CRTAC1: variants seen among roughly 807,000 people sequenced by gnomAD.
The protein encoded by CRTAC1 is acidic secreted protein in cartilage.
In CRTAC1, 37 loss-of-function variants were observed where a neutral mutation model predicts 67.8. The ratio of observed to expected loss-of-function variants is 0.55; its 90% CI spans 0.42 to 0.72. The LOEUF is 0.72. CRTAC1 is among the 30% of genes least tolerant of loss of function. CRTAC1 has a pLI of 0.00. For synonymous variants in CRTAC1, 348 were observed against 371.0 expected (o/e 0.94, Z 0.71); for missense variants, 780 against 931.6 (o/e 0.84, Z 2.12).
At chr10:97,924,914 G>A (rs1564897144) in intron 3 of CRTAC1, among the ~76,000 whole-genome samples, 1 of 152,162 alleles carries the variant, frequency 6.6e-6, no homozygotes, top group East Asian at 1.9e-4. Flanking sequence ...GAATGTGTGT[G>A]TGGATGTGTG....
At chr10:97,910,610 C>T (rs1034075677) in intron 5 of CRTAC1, among the ~76,000 whole-genome samples, 12 of 152,188 alleles carry the variant, frequency 7.9e-5, no homozygotes, top group Non-Finnish European at 1.5e-4. Flanking sequence ...AGGCCAGGCC[C>T]GCCTCTGGAT....
At chr10:97,870,591 G>A (rs1301856241) in intron 14 of CRTAC1, 1 of 152,068 alleles carries the variant, frequency 6.6e-6, no homozygotes, top group African/African-American at 2.4e-5. Context: ...TGTCTGTACT[G>A]GTGATATATT....
At chr10:97,865,767 C>T (rs1175896861) in intron 14 of CRTAC1, 53 bp from the exon 15 acceptor site, 19 of 1,492,390 alleles carry the variant, frequency 1.3e-5, no homozygotes, top group East Asian at 4.8e-5. Context: ...GCGGCGGCTG[C>T]GCTACCAGAG....
At chr10:98,002,587 A>C (rs1192234567) in intron 2 of CRTAC1, among the ~76,000 whole-genome samples, 1 of 151,580 alleles carries the variant, frequency 6.6e-6, no homozygotes, top group African/African-American at 2.4e-5. Context: ...ACCTCACCCA[A>C]TTTGGGTGTG....
chr10:98,015,113 C>G (rs1842971431), intron 1 of CRTAC1, among the ~76,000 whole-genome samples: 1 of 151,744 alleles, frequency 6.6e-6, no homozygotes, highest in Non-Finnish European at 1.5e-5. Context: ...TATTATTCAG[C>G]TTTAAAAATG....
In CRTAC1 at chr10:97,971,052, A is replaced by T. The variant is rs549770054; in HGVS notation, c.225-34686T>A. Among the ~76,000 whole-genome samples, 3 of 152,384 alleles carry T rather than the reference A, an allele frequency of 2.0e-5. No individual in the cohort carries two copies. The East Asian group carries it at 5.8e-4, about 29-fold the overall frequency. ...TAAAACAATGACATGCTACATCGCT[A>T]GTATCAAAGTAACAAAGATAAACCA... On this transcript the variant is annotated intron_variant, in intron 2 of 14. Coordinates refer to ENST00000370597, the MANE Select transcript of CRTAC1 (RefSeq NM_018058.7).
intron 5 of CRTAC1, among the ~76,000 whole-genome samples, chr10:97,915,928 A>C (rs1263314996): frequency 6.6e-6 from 1 of 151,998 alleles, no homozygotes; most frequent in Non-Finnish European, 1.5e-5. Context: ...CTTCCAGCCC[A>C]GCCGGCACAG....
intron 2 of CRTAC1, among the ~76,000 whole-genome samples, chr10:97,994,871 G>A (rs1049504597): frequency 1.3e-5 from 2 of 152,200 alleles, no homozygotes; most frequent in Admixed American, 6.5e-5. Context: ...GGCCCAAGGA[G>A]CAGATCCGGC....
Position 98,030,209 on chromosome 10 carries a change from C to T in CRTAC1, c.24+240G>A, listed in dbSNP as rs547377790. Among the ~76,000 whole-genome samples, 2 of 151,680 alleles carry T rather than the reference C, an allele frequency of 1.3e-5. No homozygotes were observed. The highest frequency in any genetic ancestry group is 2.1e-4 in the South Asian group (1 of 4,802). The stretch of plus-strand genomic sequence containing the variant: ...GTCGCCCCCACACATCAGCTCCCAC[C>T]TCTCCGCCACCTCCAACCCGGCCGC... On this transcript the variant is annotated intron_variant, in intron 1 of 14. Coordinates refer to ENST00000370597, the MANE Select transcript of CRTAC1 (RefSeq NM_018058.7). This position sits in a 1 kb window ranked among gnomAD's most constrained non-coding sequence, Gnocchi z 4.2.
chr10:97,896,336 G>T (rs1301436868), intron 9 of CRTAC1, among the ~76,000 whole-genome samples: 1 of 152,050 alleles, frequency 6.6e-6, no homozygotes, highest in African/African-American at 2.4e-5. Flanking sequence ...CCAAGTGTTT[G>T]CATATACATA....
At position 97,904,607 on chromosome 10, in the gene CRTAC1, G is replaced by A. The variant is rs527432797; in HGVS notation, c.996+62C>T. The A allele has an allele frequency of 4.8e-6, 7 of 1,453,714 alleles. No individual in the cohort carries two copies. The South Asian group carries it at 1.1e-4, about 23-fold the overall frequency. 90.1% of individuals were successfully genotyped at this position (1,453,714 alleles called of 1,614,324 possible). ...GCCAATTTTTGGTATTTTTAGTAGA[G>A]ACAGGGTTTTGCCATGTTGGACAGG... On this transcript the variant is annotated intron_variant, in intron 7 of 14. Coordinates refer to ENST00000370597, the MANE Select transcript of CRTAC1 (RefSeq NM_018058.7).
chr10:97,892,770 G>A (rs1306105207), intron 11 of CRTAC1, among the ~76,000 whole-genome samples: 2 of 152,224 alleles, frequency 1.3e-5, no homozygotes, highest in African/African-American at 4.8e-5. Context: ...GTGCCTTTAG[G>A]GCCAGCTTAG....
intron 2 of CRTAC1, among the ~76,000 whole-genome samples, chr10:98,001,032 A>C (rs1173789149): frequency 6.6e-6 from 1 of 152,224 alleles, no homozygotes; most frequent in Non-Finnish European, 1.5e-5. Flanking sequence ...AGAAAGCTGG[A>C]ATAGATATCA....
At chr10:97,964,913 C>A (rs2051590513) in intron 2 of CRTAC1, among the ~76,000 whole-genome samples, 1 of 148,316 alleles carries the variant, frequency 6.7e-6, no homozygotes, top group South Asian at 2.1e-4. Flanking sequence ...TCATTCTACT[C>A]ATTTCATTCT....
Position 97,934,486 on chromosome 10 carries a change from G to C in CRTAC1, c.421+1684C>G, listed in dbSNP as rs555014. On this transcript the variant is annotated intron_variant, in intron 3 of 14. Coordinates refer to ENST00000370597, the MANE Select transcript of CRTAC1 (RefSeq NM_018058.7). ...GACAGCACTGCCTGCCCCTGCCCCT[G>C]GCATAAGCCCCAACCTCTTCCCCTC... Among the ~76,000 whole-genome samples, 249 of 152,184 alleles carry C rather than the reference G, an allele frequency of 1.6e-3. 1 individual carries two copies. Among genetic ancestry groups the C allele is most frequent in the Non-Finnish European group, 2.0e-3 (135 of 67,960 alleles).
chr10:97,977,939 G>T (rs1362278810), intron 2 of CRTAC1, among the ~76,000 whole-genome samples: 1 of 152,212 alleles, frequency 6.6e-6, no homozygotes, highest in Non-Finnish European at 1.5e-5. Context: ...TCCTGATGGG[G>T]AGGGGAGGCC....
chr10:97,936,165 C>A lies in CRTAC1; in HGVS notation c.421+5G>T. On this transcript the variant is annotated splice_donor_5th_base_variant and intron_variant, in intron 3 of 14. Transcript: ENST00000370597. Reference sequence around the variant, plus strand: ...GCAGGAAGAGGCCTGAGCCCCAGCCCTTACCCGAGAAGGCATTATTGGTGT... The same window carrying A: ...GCAGGAAGAGGCCTGAGCCCCAGCCATTACCCGAGAAGGCATTATTGGTGT... The A allele has an allele frequency of 6.3e-7, 1 of 1,597,160 alleles. No homozygotes were observed. The highest frequency in any genetic ancestry group is 8.6e-7 in the Non-Finnish European group (1 of 1,168,004).
intron 2 of CRTAC1, among the ~76,000 whole-genome samples, chr10:97,995,697 T>C (rs780492450): frequency 3.3e-5 from 5 of 152,090 alleles, no homozygotes; most frequent in African/African-American, 4.8e-5. Flanking sequence ...GGTAAATACA[T>C]GGAAATGAGG....
intron 1 of CRTAC1, among the ~76,000 whole-genome samples, chr10:98,017,069 G>A (rs1002997654): frequency 6.6e-6 from 1 of 152,162 alleles, no homozygotes; most frequent in Non-Finnish European, 1.5e-5. Flanking sequence ...GAAAAAGTAG[G>A]TTGAACTGAA....
Sources: gnomAD v4.1 joint callset for allele counts (sites outside exome capture counted in the v4.1 genomes callset) on GRCh38, gnomAD v4.1.1 for gene constraint, Gnocchi (gnomAD v3.1) non-coding constraint, MANE v1.5 for transcripts, NCBI Gene and HGNC (gene_info 2026-07-23, HGNC 2026-07-21) for gene names.